KCNIP3: variants seen among roughly 807,000 people sequenced by gnomAD.
KCNIP3 encodes calsenilin.
KCNIP3 carries 28 observed loss-of-function variants against 35.0 expected under a neutral mutation model. The ratio of observed to expected loss-of-function variants is 0.80; its 90% CI spans 0.59 to 1.10. The LOEUF is 1.10. KCNIP3 is among the 50% of genes least tolerant of loss of function. KCNIP3 has a pLI of 0.00. For synonymous variants in KCNIP3, 134 were observed against 133.8 expected, an observed-to-expected ratio of 1.00 and a Z score of -0.01; for missense variants, 295 against 338.4, an observed-to-expected ratio of 0.87 and a Z score of 1.01.
At chr2:95,316,075 T>A (rs1291313477) in intron 2 of KCNIP3, among the ~76,000 whole-genome samples, 1 of 152,226 alleles carries the variant, frequency 6.6e-6, no homozygotes, top group Non-Finnish European at 1.5e-5. Context: ...GGAAGTTAGC[T>A]GAATGCCAAC....
chr2:95,308,145 A>C (rs928054445), intron 1 of KCNIP3, among the ~76,000 whole-genome samples: 4 of 152,174 alleles, frequency 2.6e-5, no homozygotes, highest in African/African-American at 9.7e-5. Context: ...GTGTGTGTGC[A>C]TAGCGTGTGC....
chr2:95,321,525 G>T (rs1394150996), intron 2 of KCNIP3, among the ~76,000 whole-genome samples: 2 of 152,196 alleles, frequency 1.3e-5, no homozygotes, highest in African/African-American at 4.8e-5. Flanking sequence ...GGCACATCTG[G>T]CTTGAATTGA....
intron 5 of KCNIP3, 115 bp downstream of exon 5, chr2:95,375,323 A>T: frequency 1.1e-6 from 1 of 941,902 alleles, no homozygotes; most frequent in Non-Finnish European, 1.7e-6. Flanking sequence ...GGTGGGAAGG[A>T]TCTTGTGAGT....
intron 2 of KCNIP3, among the ~76,000 whole-genome samples, chr2:95,338,729 C>A (rs958389179): frequency 3.3e-5 from 5 of 152,158 alleles, no homozygotes; most frequent in Non-Finnish European, 7.3e-5. Flanking sequence ...AGAGAGGTGA[C>A]GTGAAATCAG....
chr2:95,328,122 C>G (rs1678838381), intron 2 of KCNIP3, among the ~76,000 whole-genome samples: 1 of 152,238 alleles, frequency 6.6e-6, no homozygotes, highest in South Asian at 2.1e-4. Flanking sequence ...GGGGACTTCA[C>G]CATGAGGATC....
In KCNIP3 at chr2:95,385,789, C is replaced by T. The variant is rs796394469; in HGVS notation, c.*1740C>T. 1.2e-4 allele frequency: 19 copies of T among 152,902 alleles called. No homozygotes were observed. Among genetic ancestry groups the T allele is most frequent in the African/African-American group, 4.6e-4 (19 of 41,594 alleles). 9.5% of individuals were successfully genotyped at this position (152,902 alleles called of 1,614,324 possible). The stretch of plus-strand genomic sequence containing the variant: ...GCTTTCCCTGGCTCAGGGATCTTCT[C>T]CCTCCCCTCACCCGCTGCCCAGCCC... On this transcript the variant is annotated 3_prime_UTR_variant, in exon 9 of 9. Transcript: ENST00000295225.
chr2:95,379,455 C>T (rs1247970845), intron 5 of KCNIP3, among the ~76,000 whole-genome samples: 1 of 4,754 alleles, frequency 2.1e-4, no homozygotes, highest in African/African-American at 1.1e-3. Context: ...TCCATCCTCG[C>T]TGGGGCCTGG....
chr2:95,347,942 C>T (rs1350746706), intron 2 of KCNIP3, among the ~76,000 whole-genome samples: 2 of 152,236 alleles, frequency 1.3e-5, no homozygotes, highest in African/African-American at 4.8e-5. Context: ...AGAGAGCGAG[C>T]TTGCCCCTGC....
At chr2:95,329,954 G>A (rs920892657) in intron 2 of KCNIP3, among the ~76,000 whole-genome samples, 2 of 152,160 alleles carry the variant, frequency 1.3e-5, no homozygotes, top group South Asian at 2.1e-4. Flanking sequence ...TCCCCCTCTC[G>A]TCCCCTCTGC....
intron 5 of KCNIP3, among the ~76,000 whole-genome samples, chr2:95,375,778 C>T (rs925933165): frequency 3.3e-5 from 5 of 152,152 alleles, no homozygotes; most frequent in Non-Finnish European, 5.9e-5. Context: ...TCCCCAGCCC[C>T]GCCACACAGG....
intron 2 of KCNIP3, among the ~76,000 whole-genome samples, chr2:95,314,469 C>T (rs1678403142): frequency 6.6e-6 from 1 of 152,208 alleles, no homozygotes; most frequent in Non-Finnish European, 1.5e-5. Flanking sequence ...TCCAAACCCC[C>T]ATTCCTGAGG....
intron 2 of KCNIP3, chr2:95,312,521 C>T (rs1348764097): frequency 1.3e-5 from 2 of 152,426 alleles, no homozygotes; most frequent in East Asian, 1.9e-4. Flanking sequence ...AGGGCCAGGG[C>T]TGGGCCAGGG....
chr2:95,374,898 G>C lies in KCNIP3; in HGVS notation c.357G>C (p.Ala119=). 1.2e-6 allele frequency: 2 copies of C among 1,614,018 alleles called. No individual in the cohort carries two copies. Residue 119 remains alanine (A), a synonymous_variant, in exon 4 of 9, where the codon GCG becomes GCC. Transcript: ENST00000295225. ...VDEDTFKLIY[A]QFFPQGDATT... The stretch of plus-strand genomic sequence containing the variant: ...AAGACACCTTCAAACTCATTTACGC[G>C]CAGTTCTTCCCTCAGGGAGGTGAGT...
In KCNIP3 at chr2:95,378,933, A is replaced by C. The variant is rs1680271591; in HGVS notation, c.448-2663A>C. On this transcript the variant is annotated intron_variant, in intron 5 of 8. Transcript: ENST00000295225. This position sits in a 1 kb window ranked among gnomAD's most constrained non-coding sequence, Gnocchi z 4.0. Reference sequence around the variant, plus strand: ...ATATATTCATTGTCTTCAGTTATACACACACATGACTGGAGTCCAACACAT... The same window carrying C: ...ATATATTCATTGTCTTCAGTTATACCCACACATGACTGGAGTCCAACACAT... Among the ~76,000 whole-genome samples the C allele has an allele frequency of 1.3e-5, 2 of 152,008 alleles. No individual in the cohort carries two copies. The highest frequency in any genetic ancestry group is 1.3e-4 in the Admixed American group (2 of 15,250).
chr2:95,331,058 C>T (rs1678916145), intron 2 of KCNIP3, among the ~76,000 whole-genome samples: 1 of 152,036 alleles, frequency 6.6e-6, no homozygotes, highest in African/African-American at 2.4e-5. Flanking sequence ...AGAGGGGCAG[C>T]AAGGGCCAGA....
Position 95,324,362 on chromosome 2 carries a change from A to G in KCNIP3, c.181+13842A>G, listed in dbSNP as rs1237631775. On this transcript the variant is annotated intron_variant, in intron 2 of 8. Transcript: ENST00000295225. ...CCGTCTCTACTAAAAAATACCAAAA[A>G]AATTAGCTGGGCGTGGTGGCGGGCG... Among the ~76,000 whole-genome samples the G allele has an allele frequency of 4.7e-5, 7 of 150,418 alleles. No individual in the cohort carries two copies. The East Asian group carries it at 1.4e-3, about 30-fold the overall frequency.
chr2:95,322,557 T>C (rs879187282), intron 2 of KCNIP3, among the ~76,000 whole-genome samples: 1 of 152,126 alleles, frequency 6.6e-6, no homozygotes, highest in Admixed American at 6.5e-5. Flanking sequence ...ATTCTATCAG[T>C]GTCCATAAAG....
chr2:95,344,610 A>G (rs1312079019), intron 2 of KCNIP3, among the ~76,000 whole-genome samples: 1 of 152,210 alleles, frequency 6.6e-6, no homozygotes, highest in African/African-American at 2.4e-5. Context: ...AGGGAAACAG[A>G]GGCAGAGAAG....
Position 95,382,275 on chromosome 2 carries a change from C to T in KCNIP3, c.556-102C>T. Reference sequence around the variant, plus strand: ...CAGCTCGTCCGGCCCCTCGCACTCACTGCCTTGGAGGTGCCCTGCACCCTT... The same window carrying T: ...CAGCTCGTCCGGCCCCTCGCACTCATTGCCTTGGAGGTGCCCTGCACCCTT... On this transcript the variant is annotated intron_variant, in intron 6 of 8. Coordinates refer to ENST00000295225, the MANE Select transcript of KCNIP3 (RefSeq NM_013434.5). The surrounding 1 kb of genome is among the most constrained non-coding windows in gnomAD (Gnocchi z 4.5). The T allele has an allele frequency of 1.6e-6, 1 of 633,006 alleles. No homozygotes were observed. 39.2% of individuals were successfully genotyped at this position (633,006 alleles called of 1,614,324 possible).
Sources: allele counts gnomAD v4.1 joint callset (sites outside exome capture counted in the v4.1 genomes callset), GRCh38; gene constraint gnomAD v4.1.1; non-coding constraint Gnocchi (gnomAD v3.1); transcripts MANE v1.5; gene names NCBI Gene and HGNC (gene_info 2026-07-23, HGNC 2026-07-21).